SH3GL2: variants seen among roughly 807,000 people sequenced by gnomAD.
SH3GL2 encodes the protein endophilin-A1.
In SH3GL2, 24 loss-of-function variants were observed where a neutral mutation model predicts 46.0. That is an observed-to-expected ratio of 0.52 (90% CI 0.38 to 0.73). SH3GL2 has a LOEUF of 0.73. Among genes scored for constraint, SH3GL2 ranks in the 30% least tolerant of loss-of-function variants. The probability of loss-of-function intolerance (pLI) is 0.00; values close to 1 mark genes in which losing one functional copy is unlikely to be tolerated. For missense variants in SH3GL2, 413 were observed against 424.2 expected, an observed-to-expected ratio of 0.97 and a Z score of 0.23; for synonymous variants, 196 against 147.1, an observed-to-expected ratio of 1.33 and a Z score of -2.40.
In SH3GL2 at chr9:17,758,561, CAAAAAAAAAAAAAAAAAA is replaced by C. The variant is rs57019804; in HGVS notation, c.115-2859_115-2842del. The stretch of plus-strand genomic sequence containing the variant: ...TGGGGGAGAGAGTAAGACCCTGTCT[CAAAAAAAAAAAAAAAAAA>C]AAAAAAAAAAAAAAAATTGCAGTCA... On this transcript the variant is annotated intron_variant, in intron 2 of 8. Coordinates refer to ENST00000380607, the MANE Select transcript of SH3GL2 (RefSeq NM_003026.5). Among the ~76,000 whole-genome samples, 281 of 29,250 alleles carry C rather than the reference CAAAAAAAAAAAAAAAAAA, an allele frequency of 9.6e-3. 3 individuals carry two copies. Among genetic ancestry groups the C allele is most frequent in the Non-Finnish European group, 0.018 (216 of 11,940 alleles). 19.2% of individuals were successfully genotyped at this position (29,250 alleles called of 152,430 possible). A position where few individuals can be genotyped will look rare whatever the true frequency, so the allele number is the denominator to read the frequency against.
intron 1 of SH3GL2, among the ~76,000 whole-genome samples, chr9:17,638,456 A>G (rs1819597765): frequency 6.6e-6 from 1 of 152,230 alleles, no homozygotes; most frequent in Admixed American, 6.5e-5. Flanking sequence ...CAACAAGTAA[A>G]TGAAAACATT....
At chr9:17,754,356 C>T (rs953524767) in intron 2 of SH3GL2, among the ~76,000 whole-genome samples, 6 of 152,016 alleles carry the variant, frequency 3.9e-5, no homozygotes, top group African/African-American at 1.4e-4. Flanking sequence ...TGATTTCTTT[C>T]AGCAGTGTTT....
chr9:17,628,573 G>A (rs1466965133), intron 1 of SH3GL2, among the ~76,000 whole-genome samples: 1 of 152,126 alleles, frequency 6.6e-6, no homozygotes, highest in Non-Finnish European at 1.5e-5. Context: ...AAGAGAAGTA[G>A]AGTTAACAGC....
At chr9:17,672,083 C>T (rs187704999) in intron 1 of SH3GL2, among the ~76,000 whole-genome samples, 1 of 152,114 alleles carries the variant, frequency 6.6e-6, no homozygotes, top group Non-Finnish European at 1.5e-5. Flanking sequence ...CTCTGGAACT[C>T]AATGTTTTGT....
intron 1 of SH3GL2, among the ~76,000 whole-genome samples, chr9:17,652,803 T>C (rs978272386): frequency 4.6e-5 from 7 of 152,222 alleles, no homozygotes; most frequent in Admixed American, 3.3e-4. Context: ...ACATACTGAA[T>C]TATCCAATGA....
rs376579382 is a variant in SH3GL2, at chr9:17,586,107, C to T, written c.45+6820C>T. 5.9e-5 allele frequency among the ~76,000 whole-genome samples: 9 copies of T among 152,310 alleles called. No individual in the cohort carries two copies. The East Asian group carries it at 7.7e-4, about 13-fold the overall frequency. Reference sequence around the variant, plus strand: ...AAAATATTTTCATGCTATACTAAATCATTAGCTGATGACAAATGCTTCAGG... The same window carrying T: ...AAAATATTTTCATGCTATACTAAATTATTAGCTGATGACAAATGCTTCAGG... On this transcript the variant is annotated intron_variant, in intron 1 of 8. Transcript: ENST00000380607.
chr9:17,767,894 G>A (rs972702639), intron 3 of SH3GL2, among the ~76,000 whole-genome samples: 1 of 152,170 alleles, frequency 6.6e-6, no homozygotes, highest in Non-Finnish European at 1.5e-5. Context: ...ATATACTAAT[G>A]TATTGAAAGG....
At chr9:17,702,715 A>G (rs1821369117) in intron 1 of SH3GL2, among the ~76,000 whole-genome samples, 1 of 152,162 alleles carries the variant, frequency 6.6e-6, no homozygotes, top group African/African-American at 2.4e-5. Context: ...AATATTCATG[A>G]TGATTTTTAA....
rs576731766 is a variant in SH3GL2, at chr9:17,780,568, G to A, written c.188-5813G>A. ...ATATGTATACATGTGCCATGCTGGT[G>A]CGCTGCACCCACTAACGTGTCATCT... On this transcript the variant is annotated intron_variant, in intron 3 of 8. Coordinates refer to ENST00000380607, the MANE Select transcript of SH3GL2 (RefSeq NM_003026.5). 2.1e-3 allele frequency among the ~76,000 whole-genome samples: 280 copies of A among 135,474 alleles called. 1 individual carries two copies. The highest frequency in any genetic ancestry group is 7.5e-3 in the African/African-American group (264 of 35,400). The allele number at this position is 135,474 out of a possible 152,430, so 88.9% of individuals were successfully genotyped here.
intron 1 of SH3GL2, among the ~76,000 whole-genome samples, chr9:17,736,544 G>A (rs940465333): frequency 2.6e-5 from 4 of 152,070 alleles, no homozygotes; most frequent in Non-Finnish European, 5.9e-5. Flanking sequence ...TGAGCATGGT[G>A]CCAGTAGCTT....
At chr9:17,765,674 C>T (rs973575696) in intron 3 of SH3GL2, among the ~76,000 whole-genome samples, 2 of 152,208 alleles carry the variant, frequency 1.3e-5, no homozygotes, top group African/African-American at 4.8e-5. Context: ...TCGGGTCCAG[C>T]GTAAAGGTCA....
chr9:17,644,269 A>T (rs11562202), intron 1 of SH3GL2, among the ~76,000 whole-genome samples: 39,613 of 150,608 alleles, frequency 0.26, 6,121 homozygotes, highest in South Asian at 0.43. Flanking sequence ...TAGTTTGTCA[A>T]CTCTTTCAGA....
intron 1 of SH3GL2, among the ~76,000 whole-genome samples, chr9:17,703,233 G>A (rs1184343839): frequency 1.3e-5 from 2 of 151,568 alleles, no homozygotes; most frequent in African/African-American, 2.4e-5. Flanking sequence ...TGTATGGCTC[G>A]GGGAAAAAAA....
At chr9:17,794,849 A>T (rs1285630968) in intron 8 of SH3GL2, among the ~76,000 whole-genome samples, 1 of 152,346 alleles carries the variant, frequency 6.6e-6, no homozygotes, top group East Asian at 1.9e-4. Flanking sequence ...TATAAATTAC[A>T]AAATTTTTTA....
At chr9:17,619,369 T>C (rs1819078524) in intron 1 of SH3GL2, among the ~76,000 whole-genome samples, 1 of 152,214 alleles carries the variant, frequency 6.6e-6, no homozygotes. Flanking sequence ...GTTGAATGGC[T>C]GACTACCTAT....
intron 1 of SH3GL2, among the ~76,000 whole-genome samples, chr9:17,647,698 A>C (rs982617751): frequency 6.6e-6 from 1 of 152,224 alleles, no homozygotes; most frequent in Non-Finnish European, 1.5e-5. Flanking sequence ...AGGAGGGATT[A>C]TAAAGATTAA....
At chr9:17,651,459 T>G (rs1224865353) in intron 1 of SH3GL2, among the ~76,000 whole-genome samples, 1 of 152,246 alleles carries the variant, frequency 6.6e-6, no homozygotes, top group Non-Finnish European at 1.5e-5. Context: ...ATTGTTTTTG[T>G]TGCTCTTATA....
chr9:17,602,793 C>T (rs2134566056), intron 1 of SH3GL2, among the ~76,000 whole-genome samples: 1 of 152,138 alleles, frequency 6.6e-6, no homozygotes, highest in African/African-American at 2.4e-5. Flanking sequence ...GGACTTCTAT[C>T]ACTGAAACAT....
At chr9:17,627,184 G>A (rs150746679) in intron 1 of SH3GL2, among the ~76,000 whole-genome samples, 271 of 152,290 alleles carry the variant, frequency 1.8e-3, no homozygotes, top group Non-Finnish European at 3.1e-3. Context: ...AACGTCAGCT[G>A]CTGTTTTTAT....
Sources: allele counts gnomAD v4.1 joint callset (sites outside exome capture counted in the v4.1 genomes callset), GRCh38; gene constraint gnomAD v4.1.1; transcripts MANE v1.5; gene names NCBI Gene and HGNC (gene_info 2026-07-23, HGNC 2026-07-21).